TAF2: variants seen among roughly 807,000 people sequenced by gnomAD.
The protein encoded by TAF2 is transcription initiation factor TFIID subunit 2.
A neutral mutation model predicts 138.5 loss-of-function variants in TAF2; 61 were observed. The observed-to-expected ratio is 0.44, with a 90% CI of 0.36 to 0.54. The LOEUF (loss-of-function observed/expected upper bound fraction) is 0.54. Among genes scored for constraint, TAF2 ranks in the 20% least tolerant of loss-of-function variants. TAF2 has a pLI of 0.00. For missense variants in TAF2, 1,090 were observed against 1,427.9 expected (o/e 0.76, Z 3.81); for synonymous variants, 475 against 469.9 (o/e 1.01, Z -0.14).
chr8:119,731,828 CT>C lies in TAF2; in HGVS notation c.*95del, dbSNP rs1338286707. 6 of 1,250,430 alleles carry C rather than the reference CT, an allele frequency of 4.8e-6. No homozygotes were observed. The African/African-American group carries it at 6.0e-5, about 12-fold the overall frequency. The allele number at this position is 1,250,430 out of a possible 1,614,324, so 77.5% of individuals were successfully genotyped here. On this transcript the variant is annotated 3_prime_UTR_variant, in exon 26 of 26. Coordinates refer to ENST00000378164, the MANE Select transcript of TAF2 (RefSeq NM_003184.4). ...AGAATTTCTGTAGGAGAGGCGAATC[CT>C]TTCCCCCCTCCCTTTTATAATTCTT...
At chr8:119,824,959 C>G (rs893175795) in intron 2 of TAF2, among the ~76,000 whole-genome samples, 5 of 152,234 alleles carry the variant, frequency 3.3e-5, no homozygotes, top group East Asian at 1.9e-4. Flanking sequence ...TCAGAGCCCC[C>G]ACACAGGGTC....
intron 12 of TAF2, among the ~76,000 whole-genome samples, 193 bp downstream of exon 12, chr8:119,789,399 G>C (rs990273402): frequency 6.6e-6 from 1 of 151,986 alleles, no homozygotes; most frequent in Non-Finnish European, 1.5e-5. Context: ...ACATACATGT[G>C]TGTGCACCTT....
intron 18 of TAF2, among the ~76,000 whole-genome samples, chr8:119,775,279 C>CAAA (rs59665180): frequency 4.0e-5 from 4 of 100,808 alleles, no homozygotes; most frequent in African/African-American, 3.9e-5. Flanking sequence ...GATTCCATCT[C>CAAA]AAAAAAAAAA....
chr8:119,777,996 A>T, intron 18 of TAF2, 23 bp downstream of exon 18: 1 of 1,254,550 alleles, frequency 8.0e-7, no homozygotes, highest in Non-Finnish European at 1.2e-6. Context: ...GTTGTAGAAG[A>T]TTTAAAAATA....
At position 119,832,618 on chromosome 8, in the gene TAF2, T is replaced by A; in HGVS notation, c.-54A>T. 1 of 1,551,558 alleles carries A rather than the reference T, an allele frequency of 6.4e-7. No individual in the cohort carries two copies. The highest frequency in any genetic ancestry group is 8.8e-7 in the Non-Finnish European group (1 of 1,132,968). ...GGCTTCCTAGGGGGATACGGGGCAT[T>A]ACTAGTCTTTGGCACCTCACACTCT... On this transcript the variant is annotated 5_prime_UTR_variant, in exon 1 of 26. Transcript: ENST00000378164.
intron 22 of TAF2, among the ~76,000 whole-genome samples, chr8:119,753,439 A>G (rs572801463): frequency 9.8e-5 from 15 of 152,346 alleles, no homozygotes; most frequent in East Asian, 5.8e-4. Context: ...CTATTGTCCA[A>G]TGTTCTATAA....
intron 18 of TAF2, among the ~76,000 whole-genome samples, chr8:119,768,856 C>T (rs1821631092): frequency 1.3e-5 from 2 of 152,192 alleles, no homozygotes; most frequent in African/African-American, 4.8e-5. Context: ...AGCGTGAAAC[C>T]ACTCCAGTGG....
chr8:119,748,286 T>C (rs1820120759), intron 22 of TAF2, among the ~76,000 whole-genome samples: 1 of 152,026 alleles, frequency 6.6e-6, no homozygotes, highest in Non-Finnish European at 1.5e-5. Context: ...TTTGTGGTTT[T>C]CCACAACAAA....
intron 18 of TAF2, among the ~76,000 whole-genome samples, chr8:119,773,278 GT>G (rs1821981745): frequency 6.6e-6 from 1 of 151,016 alleles, no homozygotes; most frequent in Non-Finnish European, 1.5e-5. Context: ...TTCTATTTAT[GT>G]AAAAAAAAAT....
At chr8:119,770,914 A>G (rs1370226245) in intron 18 of TAF2, among the ~76,000 whole-genome samples, 1 of 152,100 alleles carries the variant, frequency 6.6e-6, no homozygotes, top group Non-Finnish European at 1.5e-5. Flanking sequence ...CTACTAAAAT[A>G]CAAAAAATTA....
rs777710047 is a variant in TAF2, at chr8:119,831,765, AAAAT to A, written c.84-38_84-35del. 2.2e-6 allele frequency: 3 copies of A among 1,374,500 alleles called. No homozygotes were observed. The South Asian group carries it at 4.2e-5, about 19-fold the overall frequency. 85.1% of individuals were successfully genotyped at this position (1,374,500 alleles called of 1,614,324 possible). A position where few individuals can be genotyped will look rare whatever the true frequency, so the allele number is the denominator to read the frequency against. On this transcript the variant is annotated intron_variant, in intron 1 of 25. Coordinates refer to ENST00000378164, the MANE Select transcript of TAF2 (RefSeq NM_003184.4). ...ATAAATATAAAAAGAAAATAAGGAA[AAAAT>A]AATTTTTATTATTAAATCAAAGTAT...
chr8:119,780,174 C>T (rs1822542615), intron 17 of TAF2, among the ~76,000 whole-genome samples: 1 of 151,868 alleles, frequency 6.6e-6, no homozygotes, highest in African/African-American at 2.4e-5. Context: ...AAAAAAAAAC[C>T]TCTATGTATG....
chr8:119,766,796 T>C (rs1821455304), intron 18 of TAF2, among the ~76,000 whole-genome samples: 2 of 152,068 alleles, frequency 1.3e-5, no homozygotes, highest in Non-Finnish European at 1.5e-5. Flanking sequence ...ATCACACCGC[T>C]GTACTCCAGC....
intron 25 of TAF2, among the ~76,000 whole-genome samples, chr8:119,737,616 C>T (rs1337798739): frequency 6.6e-6 from 1 of 150,606 alleles, no homozygotes; most frequent in African/African-American, 2.4e-5. Context: ...TCAAGCGAAT[C>T]TCCTGCCTCA....
At chr8:119,811,821 A>AT (rs1825086387) in intron 3 of TAF2, among the ~76,000 whole-genome samples, 1 of 151,700 alleles carries the variant, frequency 6.6e-6, no homozygotes, top group Non-Finnish European at 1.5e-5. Flanking sequence ...AAAAAAAAAA[A>AT]AAAAAAATAA....
intron 15 of TAF2, 55 bp downstream of exon 15, chr8:119,785,146 G>T: frequency 1.4e-6 from 2 of 1,414,098 alleles, no homozygotes; most frequent in Non-Finnish European, 2.0e-6. Context: ...TAACAAAGTA[G>T]ACAGATGAGA....
At chr8:119,780,689 AC>A (rs1822578499) in intron 17 of TAF2, among the ~76,000 whole-genome samples, 1 of 152,162 alleles carries the variant, frequency 6.6e-6, no homozygotes, top group African/African-American at 2.4e-5. Context: ...TAATCTCAGC[AC>A]TTTGGGAGGC....
At chr8:119,823,382 A>G (rs1825907953) in intron 2 of TAF2, among the ~76,000 whole-genome samples, 1 of 152,198 alleles carries the variant, frequency 6.6e-6, no homozygotes, top group African/African-American at 2.4e-5. Context: ...GTGGAAGGTA[A>G]CTTAATCATG....
At chr8:119,795,659 C>T (rs1823772737) in intron 8 of TAF2, 28 bp from the exon 9 acceptor site, 3 of 1,594,622 alleles carry the variant, frequency 1.9e-6, no homozygotes, top group African/African-American at 1.3e-5. Flanking sequence ...GCATAAATTA[C>T]TTTTAATCAT....
Sources: allele counts gnomAD v4.1 joint callset (sites outside exome capture counted in the v4.1 genomes callset), GRCh38; gene constraint gnomAD v4.1.1; transcripts MANE v1.5; gene names NCBI Gene and HGNC (gene_info 2026-07-23, HGNC 2026-07-21).